ASB17: variants seen among roughly 807,000 people sequenced by gnomAD.
The protein encoded by ASB17 is ankyrin repeat and SOCS box protein 17.
Under a neutral mutation model 25.7 loss-of-function variants are expected in ASB17, and 26 were observed. The observed-to-expected ratio is 1.01, with a 90% confidence interval of 0.74 to 1.40. The LOEUF is 1.40. Ranked by LOEUF, ASB17 falls within the 40% of genes most tolerant of loss-of-function variation. The pLI is 0.00. For synonymous variants in ASB17, 128 were observed against 121.4 expected (o/e 1.05, Z -0.36); for missense variants, 326 against 338.5 (o/e 0.96, Z 0.29).
intron 1 of ASB17, among the ~76,000 whole-genome samples, chr1:75,923,255 A>C (rs1653077546): frequency 6.6e-6 from 1 of 152,208 alleles, no homozygotes; most frequent in Non-Finnish European, 1.5e-5. Flanking sequence ...GAACCATATC[A>C]GGTCCCTCAA....
intron 2 of ASB17, 52 bp from the exon 3 acceptor site, chr1:75,919,210 G>A: frequency 8.4e-7 from 1 of 1,193,834 alleles, no homozygotes; most frequent in Non-Finnish European, 1.2e-6. Context: ...ATTTGGATTA[G>A]TCCAAATTAT....
intron 2 of ASB17, among the ~76,000 whole-genome samples, chr1:75,920,950 A>G (rs541084922): frequency 1.3e-5 from 2 of 151,976 alleles, no homozygotes; most frequent in East Asian, 3.9e-4. Flanking sequence ...AAATTTTTGT[A>G]TTTTTAGTAG....
chr1:75,932,279 T>G lies in ASB17; in HGVS notation c.13A>C (p.Thr5Pro). 6.2e-7 allele frequency: 1 copy of G among 1,607,790 alleles called. No individual in the cohort carries two copies. Among genetic ancestry groups the G allele is most frequent in the Non-Finnish European group, 8.5e-7 (1 of 1,176,794 alleles). The change falls in exon 1 of 3, where the codon ACT (threonine) becomes CCT (proline). Residue 5 changes from threonine to proline, a missense_variant. Thr to Pro is a conservative substitution (Grantham distance 38). Coordinates refer to ENST00000284142, the MANE Select transcript of ASB17 (RefSeq NM_080868.3). ...CAAGAAGTCTTACCACATAATTTAGTAGATTTACTCATTGTTACTTATAGC... is the reference window on the plus strand; with the variant it reads ...CAAGAAGTCTTACCACATAATTTAGGAGATTTACTCATTGTTACTTATAGC... MSKSTKLCGKTSCPR... is the reference protein window; with the variant it reads MSKSPKLCGKTSCPR...
chr1:75,922,422 A>G, intron 1 of ASB17, 63 bp from the exon 2 acceptor site: 17 of 1,212,968 alleles, frequency 1.4e-5, no homozygotes, highest in Non-Finnish European at 1.9e-5. Context: ...CAAACACTTT[A>G]TCTTGCTAGT....
chr1:75,924,841 C>G (rs977210374), intron 1 of ASB17, among the ~76,000 whole-genome samples: 2 of 151,730 alleles, frequency 1.3e-5, no homozygotes, highest in Admixed American at 6.6e-5. Context: ...AAGTCTAACT[C>G]ATCTTTATGA....
intron 1 of ASB17, among the ~76,000 whole-genome samples, chr1:75,924,723 C>T (rs1490393869): frequency 1.3e-5 from 2 of 152,044 alleles, no homozygotes; most frequent in African/African-American, 4.8e-5. Context: ...TTCTACATTA[C>T]CTATCATTGG....
At chr1:75,928,110 C>T (rs1480223485) in intron 1 of ASB17, among the ~76,000 whole-genome samples, 1 of 152,152 alleles carries the variant, frequency 6.6e-6, no homozygotes, top group African/African-American at 2.4e-5. Flanking sequence ...ATCACCTATT[C>T]TATTGAGCCT....
chr1:75,919,992 C>T (rs1652984987), intron 2 of ASB17, among the ~76,000 whole-genome samples: 1 of 152,214 alleles, frequency 6.6e-6, no homozygotes, highest in Admixed American at 6.5e-5. Flanking sequence ...ATTTTATCAA[C>T]TTCTTCCTGA....
chr1:75,928,496 A>G (rs919381929), intron 1 of ASB17, among the ~76,000 whole-genome samples: 1 of 152,220 alleles, frequency 6.6e-6, no homozygotes, highest in African/African-American at 2.4e-5. Context: ...TCCTCCAGGG[A>G]GATATAATAG....
chr1:75,919,287 T>C (rs1414081548), intron 2 of ASB17, 129 bp from the exon 3 acceptor site: 5 of 691,456 alleles, frequency 7.2e-6, no homozygotes, highest in Non-Finnish European at 1.1e-5. Flanking sequence ...ATAACTTTTT[T>C]CCAAAGCATT....
chr1:75,927,380 T>C (rs1653200000), intron 1 of ASB17, among the ~76,000 whole-genome samples: 1 of 152,170 alleles, frequency 6.6e-6, no homozygotes, highest in African/African-American at 2.4e-5. Flanking sequence ...ATTAACTCTT[T>C]CTTCTCTTAG....
chr1:75,925,851 A>T (rs1796827), intron 1 of ASB17, among the ~76,000 whole-genome samples: 43,315 of 151,978 alleles, frequency 0.29, 6,469 homozygotes, highest in Middle Eastern at 0.37. Flanking sequence ...GAATAATTTT[A>T]CATGTGTGAT....
chr1:75,930,106 G>A (rs1488134950), intron 1 of ASB17, among the ~76,000 whole-genome samples: 1 of 151,154 alleles, frequency 6.6e-6, no homozygotes, highest in African/African-American at 2.4e-5. Flanking sequence ...TAAAGATTTT[G>A]AGAGTCATTG....
chr1:75,922,847 A>T (rs896679766), intron 1 of ASB17, among the ~76,000 whole-genome samples: 4 of 152,178 alleles, frequency 2.6e-5, no homozygotes, highest in Admixed American at 1.3e-4. Context: ...ACTAAACTGA[A>T]GGTTAAAAGA....
chr1:75,921,991 A>T, intron 2 of ASB17, 89 bp downstream of exon 2: 1 of 1,157,972 alleles, frequency 8.6e-7, no homozygotes, highest in Non-Finnish European at 1.2e-6. Flanking sequence ...TATTCTATAA[A>T]TTAAAAATTA....
chr1:75,929,503 G>A (rs1422009870), intron 1 of ASB17, among the ~76,000 whole-genome samples: 1 of 152,152 alleles, frequency 6.6e-6, no homozygotes, highest in Non-Finnish European at 1.5e-5. Flanking sequence ...ACAGGCGTGA[G>A]CCATCGTGCC....
chr1:75,921,914 G>A (rs947678805), intron 2 of ASB17, among the ~76,000 whole-genome samples, 166 bp downstream of exon 2: 12 of 151,882 alleles, frequency 7.9e-5, no homozygotes, highest in African/African-American at 1.9e-4. Context: ...AAGAAGTAAA[G>A]GACTGTTTGA....
chr1:75,926,478 G>A (rs12044211), intron 1 of ASB17, among the ~76,000 whole-genome samples: 41,286 of 152,124 alleles, frequency 0.27, 7,199 homozygotes, highest in East Asian at 0.7. Flanking sequence ...GAGTGATGAA[G>A]GAAGAATAAC....
chr1:75,929,790 G>A (rs1174742731), intron 1 of ASB17, among the ~76,000 whole-genome samples: 1 of 151,964 alleles, frequency 6.6e-6, no homozygotes, highest in Non-Finnish European at 1.5e-5. Flanking sequence ...GATGAAAGGA[G>A]ATGAAAAGAA....
Sources: gnomAD v4.1 joint callset for allele counts (sites outside exome capture counted in the v4.1 genomes callset) on GRCh38, gnomAD v4.1.1 for gene constraint, MANE v1.5 for transcripts, NCBI Gene and HGNC (gene_info 2026-07-23, HGNC 2026-07-21) for gene names.